The following OLFM3 variants were observed in gnomAD, a reference collection of about 807,000 sequenced individuals.
OLFM3 encodes noelin-3.
Under a neutral mutation model 48.6 loss-of-function variants are expected in OLFM3, and 20 were observed. The observed-to-expected ratio is 0.41, with a 90% CI of 0.29 to 0.60. The LOEUF (loss-of-function observed/expected upper bound fraction) is 0.60, where lower values mean the gene tolerates loss of function less well. Among genes scored for constraint, OLFM3 ranks in the 20% least tolerant of loss-of-function variants. The pLI, the probability that OLFM3 is intolerant of heterozygous loss-of-function variation, is 0.28. For missense variants in OLFM3, 437 were observed against 544.3 expected, an observed-to-expected ratio of 0.80 and a Z score of 1.96; for synonymous variants, 222 against 198.1, an observed-to-expected ratio of 1.12 and a Z score of -1.01.
chr1:101,813,165 G>A (rs762702848), intron 4 of OLFM3: 1 of 1,189,538 alleles, frequency 8.4e-7, no homozygotes, highest in South Asian at 1.3e-5. Context: ...GAAATTTAAA[G>A]AAAGAAGTTA....
At chr1:101,942,935 T>A (rs1321142677) in intron 1 of OLFM3, among the ~76,000 whole-genome samples, 1 of 152,172 alleles carries the variant, frequency 6.6e-6, no homozygotes, top group African/African-American at 2.4e-5. Context: ...TACAATTCTA[T>A]TTATTTCATT....
intron 1 of OLFM3, among the ~76,000 whole-genome samples, chr1:101,913,928 A>T (rs1449879924): frequency 6.6e-5 from 10 of 152,190 alleles, no homozygotes; most frequent in Non-Finnish European, 1.5e-4. Context: ...CCTTGCTCAG[A>T]GAACCCATTG....
At chr1:101,805,484 T>C (rs1297525458) in intron 5 of OLFM3, among the ~76,000 whole-genome samples, 1 of 151,750 alleles carries the variant, frequency 6.6e-6, no homozygotes, top group African/African-American at 2.4e-5. Flanking sequence ...ATCTTAATTT[T>C]TACTGAGTTC....
rs190606166 is a variant in OLFM3 at position 101,921,733 on chromosome 1, C to G, written c.69+75015G>C. 2.6e-5 allele frequency among the ~76,000 whole-genome samples: 4 copies of G among 152,256 alleles called. No individual in the cohort carries two copies. In the East Asian group the frequency reaches 7.7e-4, roughly 29 times the overall value. On this transcript the variant is annotated intron_variant, in intron 1 of 5. Coordinates refer to ENST00000370103, the MANE Select transcript of OLFM3 (RefSeq NM_058170.4). ...ATTTATCTCTACAACTCTGTATGAA[C>G]TGATGAGAAAACTGAAATTCAGAAA...
Position 101,978,329 on chromosome 1 carries a change from GGAAAA to G in OLFM3, c.69+18414_69+18418del, listed in dbSNP as rs375593134. Among the ~76,000 whole-genome samples the G allele has an allele frequency of 5.3e-4, 80 of 152,102 alleles. No individual in the cohort carries two copies. In the East Asian group the frequency reaches 0.015, roughly 28 times the overall value. On this transcript the variant is annotated intron_variant, in intron 1 of 5. Transcript: ENST00000370103. ...CCCACAAAGATTAAAGATAAGATAC[GGAAAA>G]GAAAAGGTATGAGCGTTCTTAGAGT...
intron 1 of OLFM3, among the ~76,000 whole-genome samples, chr1:101,926,024 A>G (rs1002378142): frequency 6.6e-6 from 1 of 152,162 alleles, no homozygotes; most frequent in Non-Finnish European, 1.5e-5. Context: ...GTGAGATGGG[A>G]TAATCAAGGA....
chr1:101,840,753 C>T (rs1655680548), intron 1 of OLFM3, among the ~76,000 whole-genome samples: 1 of 152,124 alleles, frequency 6.6e-6, no homozygotes, highest in Non-Finnish European at 1.5e-5. Context: ...AATTTAACCA[C>T]CACACTACAC....
intron 1 of OLFM3, among the ~76,000 whole-genome samples, chr1:101,988,193 A>G (rs745704972): frequency 6.6e-6 from 1 of 152,166 alleles, no homozygotes; most frequent in Non-Finnish European, 1.5e-5. Flanking sequence ...GAATTTATCA[A>G]ATAAAGCTAA....
intron 1 of OLFM3, among the ~76,000 whole-genome samples, chr1:101,988,451 T>C (rs2101117997): frequency 6.6e-6 from 1 of 152,204 alleles, no homozygotes. Flanking sequence ...GGAAAGCTGA[T>C]TTTTGGCGTA....
At chr1:101,864,444 A>T (rs1390102515) in intron 1 of OLFM3, among the ~76,000 whole-genome samples, 1 of 152,130 alleles carries the variant, frequency 6.6e-6, no homozygotes, top group East Asian at 1.9e-4. Flanking sequence ...GTAATCTTCA[A>T]CTTGAAAGTT....
chr1:101,957,552 T>C (rs1660334691), intron 1 of OLFM3, among the ~76,000 whole-genome samples: 1 of 152,192 alleles, frequency 6.6e-6, no homozygotes, highest in South Asian at 2.1e-4. Context: ...ATGTTGCTAA[T>C]TTCATAGCCA....
At chr1:101,856,072 G>A (rs1478637137) in intron 1 of OLFM3, among the ~76,000 whole-genome samples, 2 of 151,932 alleles carry the variant, frequency 1.3e-5, no homozygotes, top group Non-Finnish European at 2.9e-5. Flanking sequence ...ACAAATTCAT[G>A]CAAATAGGAG....
chr1:101,857,747 C>G (rs772576406), intron 1 of OLFM3, among the ~76,000 whole-genome samples: 8 of 151,854 alleles, frequency 5.3e-5, no homozygotes, highest in Non-Finnish European at 7.4e-5. Flanking sequence ...TTTATTGAGT[C>G]CTTTCTAGGT....
intron 1 of OLFM3, among the ~76,000 whole-genome samples, chr1:101,966,949 A>G (rs1660630583): frequency 1.3e-5 from 2 of 152,232 alleles, no homozygotes; most frequent in African/African-American, 4.8e-5. Flanking sequence ...TATTCTGAAT[A>G]TCTACTATAG....
rs566265677 is a variant in OLFM3, at chr1:101,805,034, A to G, written c.700-119T>C. 44 of 749,614 alleles carry G rather than the reference A, an allele frequency of 5.9e-5. No individual in the cohort carries two copies. In the African/African-American group the frequency reaches 7.1e-4, roughly 12 times the overall value. The allele number at this position is 749,614 out of a possible 1,614,324, so 46.4% of individuals were successfully genotyped here. A position where few individuals can be genotyped will look rare whatever the true frequency, so the allele number is the denominator to read the frequency against. On this transcript the variant is annotated intron_variant, in intron 5 of 5. Coordinates refer to ENST00000370103, the MANE Select transcript of OLFM3 (RefSeq NM_058170.4). ...ATTCTCAGGCTCTGGAAGCCACACT[A>G]TCTTACTGCTGACCTGCCGCAATGT...
At chr1:101,829,391 C>T (rs146603556) in intron 3 of OLFM3, among the ~76,000 whole-genome samples, 62 of 152,232 alleles carry the variant, frequency 4.1e-4, no homozygotes, top group African/African-American at 1.4e-3. Flanking sequence ...ACTTCAGTCC[C>T]CTCTCTTTTC....
chr1:101,897,756 T>A (rs183936822), intron 1 of OLFM3, among the ~76,000 whole-genome samples: 1 of 152,170 alleles, frequency 6.6e-6, no homozygotes, highest in African/African-American at 2.4e-5. Context: ...TTTGATTTAA[T>A]CTGGGATACA....
rs137985133 is a variant in OLFM3, at chr1:101,927,364, C to G, written c.69+69384G>C. ...ATCATTCTTAAAAAAATAATCCATT[C>G]AAACATTTCTTGGCAATATGGAGGA... On this transcript the variant is annotated intron_variant, in intron 1 of 5. Transcript: ENST00000370103. Among the ~76,000 whole-genome samples, 734 of 152,090 alleles carry G rather than the reference C, an allele frequency of 4.8e-3. 8 individuals are homozygous for G. The highest frequency in any genetic ancestry group is 0.017 in the African/African-American group (703 of 41,526).
At chr1:101,942,951 T>G (rs567706916) in intron 1 of OLFM3, among the ~76,000 whole-genome samples, 1 of 152,266 alleles carries the variant, frequency 6.6e-6, no homozygotes, top group Admixed American at 6.5e-5. Flanking sequence ...TCATTTTACC[T>G]TAGAGTTGAA....
Sources: gnomAD v4.1 joint callset for allele counts (sites outside exome capture counted in the v4.1 genomes callset) on GRCh38, gnomAD v4.1.1 for gene constraint, MANE v1.5 for transcripts, NCBI Gene and HGNC (gene_info 2026-07-23, HGNC 2026-07-21) for gene names.